The following GLIS3 variants were observed in gnomAD, a reference collection of about 807,000 sequenced individuals.
The protein encoded by GLIS3 is GLIS family zinc finger 3, also known as zinc finger protein GLIS3.
In GLIS3, 53 loss-of-function variants were observed where a neutral mutation model predicts 78.6. The observed-to-expected ratio is 0.67, with a 90% CI of 0.54 to 0.85. The LOEUF is 0.85. Among genes scored for constraint, GLIS3 ranks in the 40% least tolerant of loss-of-function variants. The pLI, the probability that GLIS3 is intolerant of heterozygous loss-of-function variation, is 0.00. For synonymous variants in GLIS3, 684 were observed against 509.9 expected (o/e 1.34, Z -4.60); for missense variants, 1,703 against 1,231.1 (o/e 1.38, Z -5.74).
the GLIS3 span, among the ~76,000 whole-genome samples, chr9:4,436,457 G>A: frequency 3.4e-4 from 52 of 152,072 alleles, no homozygotes; most frequent in African/African-American, 9.4e-4. Context: ...TCATATCACT[G>A]CCACCATGAC....
intron 2 of GLIS3, among the ~76,000 whole-genome samples, chr9:4,311,051 C>G (rs1383363261): frequency 6.6e-6 from 1 of 152,154 alleles, no homozygotes; most frequent in Non-Finnish European, 1.5e-5. Context: ...TATAGAAGTG[C>G]CTAATCCGAA....
At chr9:3,976,961 T>C (rs1176002165) in intron 4 of GLIS3, among the ~76,000 whole-genome samples, 4 of 151,846 alleles carry the variant, frequency 2.6e-5, no homozygotes, top group Non-Finnish European at 5.9e-5. Flanking sequence ...CCGTTCAATT[T>C]AGCCCTTGAA....
At chr9:4,063,177 T>C (rs1826801392) in intron 4 of GLIS3, among the ~76,000 whole-genome samples, 1 of 152,118 alleles carries the variant, frequency 6.6e-6, no homozygotes, top group African/African-American at 2.4e-5. Context: ...CATTTCACAA[T>C]ATTCCAGAAG....
At chr9:4,231,336 C>T (rs964306459) in intron 2 of GLIS3, among the ~76,000 whole-genome samples, 1 of 152,052 alleles carries the variant, frequency 6.6e-6, no homozygotes, top group African/African-American at 2.4e-5. Context: ...TCTTACTTTA[C>T]CTAAGAGGAA....
intron 2 of GLIS3, among the ~76,000 whole-genome samples, chr9:4,127,210 T>C (rs1832641203): frequency 6.6e-6 from 1 of 152,078 alleles, no homozygotes; most frequent in Non-Finnish European, 1.5e-5. Flanking sequence ...AAAATCCAAG[T>C]GGTAATTGAC....
chr9:4,293,641 G>T (rs1050991024), intron 1 of GLIS3, among the ~76,000 whole-genome samples: 7 of 151,504 alleles, frequency 4.6e-5, no homozygotes, highest in African/African-American at 1.7e-4. Context: ...ACTAGCCCTG[G>T]CATCTGGTTG....
At chr9:3,919,208 T>C (rs1197690697) in intron 6 of GLIS3, among the ~76,000 whole-genome samples, 2 of 152,192 alleles carry the variant, frequency 1.3e-5, no homozygotes, top group Non-Finnish European at 2.9e-5. Flanking sequence ...CAAGAACTTG[T>C]TGATAAGTTA....
chr9:4,314,283 A>T (rs1487704287), intron 2 of GLIS3, among the ~76,000 whole-genome samples: 3 of 152,056 alleles, frequency 2.0e-5, no homozygotes, highest in African/African-American at 7.2e-5. Flanking sequence ...AGAATCAAGA[A>T]CCCTTGACTT....
intron 4 of GLIS3, among the ~76,000 whole-genome samples, chr9:4,049,095 C>A (rs981539439): frequency 6.6e-6 from 1 of 152,132 alleles, no homozygotes; most frequent in Admixed American, 6.6e-5. Context: ...GATGTCTGAG[C>A]AAACTATCAC....
At chr9:4,383,378 C>A in the GLIS3 span, among the ~76,000 whole-genome samples, 1 of 152,150 alleles carries the variant, frequency 6.6e-6, no homozygotes, top group Non-Finnish European at 1.5e-5. Context: ...CTACTATTTT[C>A]TTATTATTGA....
At chr9:3,889,873 A>T (rs1822313859) in intron 7 of GLIS3, among the ~76,000 whole-genome samples, 1 of 152,240 alleles carries the variant, frequency 6.6e-6, no homozygotes, top group African/African-American at 2.4e-5. Flanking sequence ...CCTATGGGCC[A>T]TAGTTTGCTG....
the GLIS3 span, among the ~76,000 whole-genome samples, chr9:4,436,399 C>G: frequency 6.6e-6 from 1 of 152,186 alleles, no homozygotes; most frequent in Non-Finnish European, 1.5e-5. Context: ...TATTCACATT[C>G]TTCCTTCTCC....
chr9:4,241,456 A>G (rs1823302861), intron 2 of GLIS3, among the ~76,000 whole-genome samples: 1 of 152,150 alleles, frequency 6.6e-6, no homozygotes, highest in South Asian at 2.1e-4. Context: ...CTAGAAGAGA[A>G]TAATTCAAAC....
At chr9:4,003,997 T>C (rs1821337284) in intron 4 of GLIS3, among the ~76,000 whole-genome samples, 1 of 152,190 alleles carries the variant, frequency 6.6e-6, no homozygotes, top group African/African-American at 2.4e-5. Flanking sequence ...CACCAAAACA[T>C]TCAGAAGCTG....
At chr9:4,220,423 G>A (rs1175596929) in intron 2 of GLIS3, among the ~76,000 whole-genome samples, 1 of 152,152 alleles carries the variant, frequency 6.6e-6, no homozygotes, top group African/African-American at 2.4e-5. Flanking sequence ...GAGAAAACTG[G>A]CACACAGTAT....
chr9:4,161,065 G>C (rs1012690840), intron 2 of GLIS3, among the ~76,000 whole-genome samples: 1 of 138,580 alleles, frequency 7.2e-6, no homozygotes, highest in Non-Finnish European at 1.5e-5. Context: ...GAAATGTAGT[G>C]AGACCCCATC....
At chr9:4,327,411 G>T (rs145619923) in intron 2 of GLIS3, among the ~76,000 whole-genome samples, 6 of 152,306 alleles carry the variant, frequency 3.9e-5, no homozygotes, top group African/African-American at 1.2e-4. Flanking sequence ...CAAGAGAAAT[G>T]TGGGAGATCA....
intron 2 of GLIS3, among the ~76,000 whole-genome samples, chr9:4,344,768 A>C (rs4740770): frequency 0.97 from 147,500 of 152,280 alleles, 71,594 homozygotes; most frequent in East Asian, 1. Context: ...CCCTTACCAC[A>C]ATCTTCCCCA....
chr9:4,056,952 C>T lies in GLIS3; in HGVS notation c.1710+60816G>A, dbSNP rs981728118. On this transcript the variant is annotated intron_variant, in intron 4 of 10. Transcript: ENST00000381971. ...TGCCAGGAAAAAAAGCCACAATAAT[C>T]ATCTAAATTTATGATGACTAAGAAT... Among the ~76,000 whole-genome samples, 31 of 127,572 alleles carry T rather than the reference C, an allele frequency of 2.4e-4. No individual in the cohort carries two copies. In the Admixed American group the frequency reaches 2.7e-3, roughly 11 times the overall value. The allele number at this position is 127,572 out of a possible 152,430, so 83.7% of individuals were successfully genotyped here. A position where few individuals can be genotyped will look rare whatever the true frequency, so the allele number is the denominator to read the frequency against.
Sources: gnomAD v4.1 joint callset for allele counts (sites outside exome capture counted in the v4.1 genomes callset) on GRCh38, gnomAD v4.1.1 for gene constraint, MANE v1.5 for transcripts, NCBI Gene and HGNC (gene_info 2026-07-23, HGNC 2026-07-21) for gene names.